KIAA0040: variants seen among roughly 807,000 people sequenced by gnomAD.
KIAA0040 encodes uncharacterized protein KIAA0040.
A neutral mutation model predicts 7.2 loss-of-function variants in KIAA0040; 10 were observed. The observed-to-expected ratio is 1.38, with a 90% confidence interval of 0.85 to 2.34. The LOEUF (loss-of-function observed/expected upper bound fraction) is 2.34, where lower values mean the gene tolerates loss of function less well. Ranked by LOEUF, KIAA0040 falls within the 30% of genes most tolerant of loss-of-function variation. The pLI is 0.00. For synonymous variants in KIAA0040, 49 were observed against 40.1 expected, an observed-to-expected ratio of 1.22 and a Z score of -0.84; for missense variants, 89 against 108.2, an observed-to-expected ratio of 0.82 and a Z score of 0.79.
intron 2 of KIAA0040, among the ~76,000 whole-genome samples, chr1:175,167,470 G>A (rs1676810282): frequency 6.6e-6 from 1 of 152,230 alleles, no homozygotes; most frequent in Admixed American, 6.5e-5. Context: ...GACAGCAGCA[G>A]TGGTGGGGTG....
chr1:175,182,854 G>A (rs916821160), intron 1 of KIAA0040, among the ~76,000 whole-genome samples: 1 of 152,240 alleles, frequency 6.6e-6, no homozygotes, highest in African/African-American at 2.4e-5. Context: ...CATCTTCAGT[G>A]CATGTTGGCT....
chr1:175,190,261 G>A (rs773298910), intron 1 of KIAA0040, among the ~76,000 whole-genome samples: 17 of 152,276 alleles, frequency 1.1e-4, no homozygotes, highest in South Asian at 8.3e-4. Flanking sequence ...AGCCTTGAGC[G>A]TTCGGAGAAA....
chr1:175,162,637 T>G (rs191065064), intron 3 of KIAA0040, among the ~76,000 whole-genome samples: 220 of 152,312 alleles, frequency 1.4e-3, no homozygotes, highest in African/African-American at 5.1e-3. Context: ...TGCATACATG[T>G]GCAGCCCTCC....
At position 175,192,742 on chromosome 1, in the gene KIAA0040, TG is replaced by T. The variant is rs1677915447; in HGVS notation, c.-487del. 1.3e-5 allele frequency: 2 copies of T among 152,332 alleles called. No homozygotes were observed. The highest frequency in any genetic ancestry group is 4.8e-5 in the African/African-American group (2 of 41,448). The allele number at this position is 152,332 out of a possible 1,614,324, so 9.4% of individuals were successfully genotyped here. On this transcript the variant is annotated 5_prime_UTR_variant, in exon 1 of 4. Coordinates refer to ENST00000423313, the MANE Select transcript of KIAA0040 (RefSeq NM_014656.3). ...CTGGAGGGAGGTGTGGGTTCCTTTT[TG>T]GTTGCCTCTGCACTCCCACCCCGAG...
At chr1:175,192,817 G>GCCCCCCCCCCCCCCCCCCCCCCCC (rs1558405268), upstream of KIAA0040, 3 of 123,534 alleles carry the variant, frequency 2.4e-5, no homozygotes, top group Admixed American at 2.3e-4. Flanking sequence ...CGTGGGAGCC[G>GCCCCCCCCCCCCCCCCCCCCCCCC]CCCGCCCCGC....
chr1:175,162,499 T>G (rs555699669), intron 3 of KIAA0040, among the ~76,000 whole-genome samples: 1 of 152,192 alleles, frequency 6.6e-6, no homozygotes, highest in East Asian at 1.9e-4. Context: ...GATGTCACTT[T>G]ATACTTGCAT....
In KIAA0040 at chr1:175,160,605, A is replaced by T; in HGVS notation, c.*109T>A. On this transcript the variant is annotated 3_prime_UTR_variant, in exon 4 of 4. Coordinates refer to ENST00000423313, the MANE Select transcript of KIAA0040 (RefSeq NM_014656.3). The stretch of plus-strand genomic sequence containing the variant: ...AGGTTTGTTCCTTGGTTGAGTAGTT[A>T]CTCTGTGGACATGGACATAGTGCAT... 1 of 1,083,464 alleles carries T rather than the reference A, an allele frequency of 9.2e-7. No individual in the cohort carries two copies. Among genetic ancestry groups the T allele is most frequent in the Admixed American group, 2.9e-5 (1 of 34,810 alleles). The allele number at this position is 1,083,464 out of a possible 1,614,324, so 67.1% of individuals were successfully genotyped here.
At chr1:175,177,900 T>A (rs1047693500) in intron 1 of KIAA0040, among the ~76,000 whole-genome samples, 1 of 152,226 alleles carries the variant, frequency 6.6e-6, no homozygotes, top group Non-Finnish European at 1.5e-5. Flanking sequence ...GTAATGTGTG[T>A]CTGGGCTGTT....
intron 1 of KIAA0040, among the ~76,000 whole-genome samples, chr1:175,182,482 G>A (rs186265084): frequency 4.1e-4 from 63 of 152,310 alleles, no homozygotes; most frequent in Non-Finnish European, 1.9e-4. Context: ...CACAAAGTTT[G>A]TGGAAACCAA....
rs748096623 is a variant in KIAA0040 at position 175,160,814 on chromosome 1, TTCTTG to T, written c.195_199del (p.Asn65LysfsTer11). 5.2e-4 allele frequency: 286 copies of T among 553,168 alleles called. 1 individual carries two copies. The highest frequency in any genetic ancestry group is 6.5e-4 in the African/African-American group (18 of 27,906). 34.3% of individuals were successfully genotyped at this position (553,168 alleles called of 1,614,324 possible). A position where few individuals can be genotyped will look rare whatever the true frequency, so the allele number is the denominator to read the frequency against. ...CTTCTTCTTCTTCTTCTTCTTCTTC[TTCTTG>T]TTCTTCTCTGGCTGCTGGCCCCTCT... On this transcript the variant is annotated frameshift_variant, in exon 4 of 4. Coordinates refer to ENST00000423313, the MANE Select transcript of KIAA0040 (RefSeq NM_014656.3). LOFTEE classifies it high-confidence loss of function.
intron 3 of KIAA0040, among the ~76,000 whole-genome samples, chr1:175,166,341 G>C (rs778582499): frequency 6.6e-6 from 1 of 152,200 alleles, no homozygotes; most frequent in East Asian, 1.9e-4. Flanking sequence ...TAAAAATACA[G>C]ATTCCTGCAG....
rs1031590584 is a variant in KIAA0040 at position 175,160,449 on chromosome 1, C to T, written c.*265G>A. 5 of 447,758 alleles carry T rather than the reference C, an allele frequency of 1.1e-5. No homozygotes were observed. Among genetic ancestry groups the T allele is most frequent in the Non-Finnish European group, 2.0e-5 (5 of 250,206 alleles). The allele number at this position is 447,758 out of a possible 1,614,324, so 27.7% of individuals were successfully genotyped here. ...TTTGTGCTTTGCATGTGGGGTATGC[C>T]AGAGACAGGTGGGAGGCATGCCTGG... On this transcript the variant is annotated 3_prime_UTR_variant, in exon 4 of 4. Coordinates refer to ENST00000423313, the MANE Select transcript of KIAA0040 (RefSeq NM_014656.3).
intron 2 of KIAA0040, among the ~76,000 whole-genome samples, chr1:175,174,429 G>A (rs1677100429): frequency 6.6e-6 from 1 of 152,192 alleles, no homozygotes; most frequent in African/African-American, 2.4e-5. Flanking sequence ...CAGTTCAGTT[G>A]TCCTCCAGGC....
Position 175,158,633 on chromosome 1 carries a change from G to A in KIAA0040, c.*2081C>T, listed in dbSNP as rs1023992313. 6.6e-6 allele frequency: 1 copy of A among 152,364 alleles called. No individual in the cohort carries two copies. Among genetic ancestry groups the A allele is most frequent in the Non-Finnish European group, 1.5e-5 (1 of 68,076 alleles). The allele number at this position is 152,364 out of a possible 1,614,324, so 9.4% of individuals were successfully genotyped here. ...TGGGTTTGGTGCAGGCAGATGGCAA[G>A]TCATTCTGTTATGTGAAGGGCACAG... On this transcript the variant is annotated 3_prime_UTR_variant, in exon 4 of 4. Transcript: ENST00000423313.
At chr1:175,183,727 G>A (rs887276365) in intron 1 of KIAA0040, among the ~76,000 whole-genome samples, 6 of 152,202 alleles carry the variant, frequency 3.9e-5, no homozygotes, top group East Asian at 1.9e-4. Context: ...AGAGATGGCC[G>A]CACTAGCGAG....
intron 2 of KIAA0040, among the ~76,000 whole-genome samples, chr1:175,172,320 G>A (rs1677024245): frequency 6.6e-6 from 1 of 152,172 alleles, no homozygotes; most frequent in Admixed American, 6.5e-5. Flanking sequence ...CAAGGTCAAG[G>A]AAATTTCCTA....
At chr1:175,183,726 C>T (rs542176524) in intron 1 of KIAA0040, among the ~76,000 whole-genome samples, 7 of 152,292 alleles carry the variant, frequency 4.6e-5, no homozygotes, top group African/African-American at 1.2e-4. Flanking sequence ...AAGAGATGGC[C>T]GCACTAGCGA....
chr1:175,160,803 TC>T lies in KIAA0040; in HGVS notation c.210del (p.Lys71ArgfsTer31), dbSNP rs751792348. On this transcript the variant is annotated frameshift_variant, in exon 4 of 4. Transcript: ENST00000423313. LOFTEE classifies it high-confidence loss of function. ...QQPEKNKKKK[K>X]KKKKKDEEDL... ...TCTTCTTCATCCTTCTTCTTCTTCTTCTTCTTCTTCTTCTTGTTCTTCTCTG... is the reference window on the plus strand; with the variant it reads ...TCTTCTTCATCCTTCTTCTTCTTCTTTTCTTCTTCTTCTTGTTCTTCTCTG... 2,278 of 1,550,122 alleles carry T rather than the reference TC, an allele frequency of 1.5e-3. 8 individuals are homozygous for T. Among genetic ancestry groups the T allele is most frequent in the Non-Finnish European group, 1.8e-3 (2,081 of 1,146,798 alleles).
chr1:175,176,567 T>C (rs754194030), intron 2 of KIAA0040: 1 of 152,182 alleles, frequency 6.6e-6, no homozygotes, highest in Non-Finnish European at 1.5e-5. Context: ...GGGAGTGTTT[T>C]TTTATGGTTT....
Sources: allele counts gnomAD v4.1 joint callset (sites outside exome capture counted in the v4.1 genomes callset), GRCh38; gene constraint gnomAD v4.1.1; transcripts MANE v1.5; gene names NCBI Gene and HGNC (gene_info 2026-07-23, HGNC 2026-07-21).